RUNX3: variants seen among roughly 807,000 people sequenced by gnomAD.
RUNX3 encodes the protein RUNX family transcription factor 3, also known as runt-related transcription factor 3.
In RUNX3, 10 loss-of-function variants were observed where a neutral mutation model predicts 27.7. That is an observed-to-expected ratio of 0.36 (90% CI 0.22 to 0.61). The LOEUF is 0.61. Among genes scored for constraint, RUNX3 ranks in the 20% least tolerant of loss-of-function variants. The pLI, the probability that RUNX3 is intolerant of heterozygous loss-of-function variation, is 0.72. For missense variants in RUNX3, 469 were observed against 629.5 expected, an observed-to-expected ratio of 0.75 and a Z score of 2.73; for synonymous variants, 270 against 269.2, an observed-to-expected ratio of 1.00 and a Z score of -0.03.
At chr1:24,949,095 G>A (rs892470719) in intron 2 of RUNX3, among the ~76,000 whole-genome samples, 9 of 152,100 alleles carry the variant, frequency 5.9e-5, no homozygotes, top group Admixed American at 4.6e-4. Flanking sequence ...GGGTCTGCAG[G>A]TCTTCTTGAT....
intron 2 of RUNX3, among the ~76,000 whole-genome samples, chr1:24,939,304 A>G (rs750491452): frequency 3.3e-5 from 5 of 152,218 alleles, no homozygotes; most frequent in Non-Finnish European, 7.3e-5. Flanking sequence ...TCACACCCAC[A>G]TGGACAAGCC....
At chr1:24,961,057 G>A (rs1557865214) in intron 2 of RUNX3, among the ~76,000 whole-genome samples, 1 of 151,720 alleles carries the variant, frequency 6.6e-6, no homozygotes, top group Non-Finnish European at 1.5e-5. Context: ...TCTACTGCAG[G>A]ATGGGAACCA....
intron 2 of RUNX3, among the ~76,000 whole-genome samples, chr1:24,936,491 G>A (rs188377878): frequency 2.0e-5 from 3 of 152,242 alleles, no homozygotes; most frequent in African/African-American, 7.2e-5. Context: ...GGCAGGATTC[G>A]GAATTTTACA....
chr1:24,948,730 G>A (rs1031130212), intron 2 of RUNX3, among the ~76,000 whole-genome samples: 2 of 151,742 alleles, frequency 1.3e-5, no homozygotes, highest in African/African-American at 2.4e-5. Flanking sequence ...GGGTGCATTG[G>A]GGGTGCATGC....
Position 24,927,746 on chromosome 1 carries a change from G to GGGGGGATGCA in RUNX3, c.283-26_283-17dup, listed in dbSNP as rs1641127734. 1 of 1,612,806 alleles carries GGGGGGATGCA rather than the reference G, an allele frequency of 6.2e-7. No homozygotes were observed. Among genetic ancestry groups the GGGGGGATGCA allele is most frequent in the Non-Finnish European group, 8.5e-7 (1 of 1,179,158 alleles). On this transcript the variant is annotated splice_polypyrimidine_tract_variant and intron_variant, in intron 1 of 4. Transcript: ENST00000308873. The surrounding 1 kb of genome is among the most constrained non-coding windows in gnomAD (Gnocchi z 5.0). ...ATGCCACCACCTGAAGACACGGGGCGGGGGGATGCAGGGGGACAGCTTAGA... is the reference window on the plus strand; with the variant it reads ...ATGCCACCACCTGAAGACACGGGGCGGGGGGATGCAGGGGGATGCAGGGGGACAGCTTAGA...
chr1:24,905,402 C>T (rs558359143), intron 4 of RUNX3, among the ~76,000 whole-genome samples: 8 of 152,340 alleles, frequency 5.3e-5, no homozygotes, highest in African/African-American at 1.2e-4. Flanking sequence ...CCTGGTCATC[C>T]GAGGCCCTTT....
At chr1:24,959,337 C>T (rs115130234) in intron 2 of RUNX3, among the ~76,000 whole-genome samples, 3,154 of 152,260 alleles carry the variant, frequency 0.021, 52 homozygotes, top group Middle Eastern at 0.034. Context: ...CCTAGGAATG[C>T]TTTTCCAGCC....
chr1:24,935,814 C>G (rs1024805741), intron 2 of RUNX3, among the ~76,000 whole-genome samples: 4 of 152,220 alleles, frequency 2.6e-5, no homozygotes, highest in Non-Finnish European at 1.5e-5. Flanking sequence ...CCCTCAGGTG[C>G]CTCTGAAGGG....
chr1:24,957,431 C>T (rs1367007781), intron 2 of RUNX3, among the ~76,000 whole-genome samples: 3 of 152,198 alleles, frequency 2.0e-5, no homozygotes, highest in Non-Finnish European at 4.4e-5. Context: ...CTGAATATCA[C>T]CTGTGAGCCT....
At chr1:24,921,758 C>T (rs1450180697) in intron 2 of RUNX3, among the ~76,000 whole-genome samples, 1 of 152,088 alleles carries the variant, frequency 6.6e-6, no homozygotes, top group Non-Finnish European at 1.5e-5. Context: ...TTGGTTATGA[C>T]GGGGAGTTTA....
At chr1:24,964,740 CT>C (rs747913966) in intron 1 of RUNX3, 1 of 1,446,040 alleles carries the variant, frequency 6.9e-7, no homozygotes, top group Non-Finnish European at 9.1e-7. Context: ...TTTTTCCCCC[CT>C]GCTGCTACGA....
intron 2 of RUNX3, among the ~76,000 whole-genome samples, chr1:24,957,516 A>G (rs1454842436): frequency 6.6e-6 from 1 of 152,016 alleles, no homozygotes; most frequent in Non-Finnish European, 1.5e-5. Context: ...GAGCACCCCC[A>G]CCGCCTGGAG....
chr1:24,903,290 C>T (rs1640602783), intron 4 of RUNX3, among the ~76,000 whole-genome samples: 1 of 152,232 alleles, frequency 6.6e-6, no homozygotes, highest in Non-Finnish European at 1.5e-5. Flanking sequence ...TGCGCTCACA[C>T]CTGGGTTGTG....
At chr1:24,958,951 G>A (rs960630245) in intron 2 of RUNX3, among the ~76,000 whole-genome samples, 3 of 152,248 alleles carry the variant, frequency 2.0e-5, no homozygotes, top group African/African-American at 7.2e-5. Flanking sequence ...ATGGCAATAA[G>A]AGCTGGTGTT....
chr1:24,908,123 C>CG lies in RUNX3; in HGVS notation c.545-707_545-706insC, dbSNP rs1557837229. ...CGAACCTCTACGACACGCGGTGATC[C>CG]AAACCTCTATGACACGCGGTGATCC... is the stretch of plus-strand genomic sequence containing the variant. On this transcript the variant is annotated intron_variant, in intron 3 of 4. Transcript: ENST00000308873. Among the ~76,000 whole-genome samples, 325 of 133,180 alleles carry CG rather than the reference C, an allele frequency of 2.4e-3. 27 individuals are homozygous for CG. The highest frequency in any genetic ancestry group is 6.0e-3 in the African/African-American group (202 of 33,786). 87.4% of individuals were successfully genotyped at this position (133,180 alleles called of 152,430 possible). A position where few individuals can be genotyped will look rare whatever the true frequency, so the allele number is the denominator to read the frequency against.
chr1:24,949,845 G>T (rs1641713327), intron 2 of RUNX3, among the ~76,000 whole-genome samples: 1 of 152,260 alleles, frequency 6.6e-6, no homozygotes, highest in Non-Finnish European at 1.5e-5. Context: ...GTGGGCCTTG[G>T]CTCAGAGCAT....
At position 24,929,776 on chromosome 1, in the gene RUNX3, C is replaced by G. The variant is rs1416712712; in HGVS notation, c.93G>C (p.Glu31Asp). 6.9e-7 allele frequency: 1 copy of G among 1,443,924 alleles called. No homozygotes were observed. The highest frequency in any genetic ancestry group is 1.5e-5 in the African/African-American group (1 of 66,760). The allele number at this position is 1,443,924 out of a possible 1,614,324, so 89.4% of individuals were successfully genotyped here. Residue 31 changes from glutamate (E) to aspartate (D), a missense_variant, in exon 1 of 5, where the codon GAG becomes GAC. Physicochemically the swap from Glu to Asp is conservative, Grantham distance 45 (BLOSUM62 2). This residue lies in a region of RUNX3 where 115 missense variants were observed against 118.0 expected (regional missense o/e 0.97). Coordinates refer to ENST00000308873, the MANE Select transcript of RUNX3 (RefSeq NM_004350.3). ...PCGGGGGKMG[E>D]NSGALSAQAA... ...CCTGCGCGCTCAGCGCGCCGCTGTT[C>G]TCGCCCATCTTGCCGCCGCCGCCGC...
intron 2 of RUNX3, among the ~76,000 whole-genome samples, chr1:24,948,345 T>G (rs181569714): frequency 3.5e-4 from 54 of 152,156 alleles, no homozygotes; most frequent in Middle Eastern, 6.8e-3. Context: ...TGTATGCTTG[T>G]GTGAGGGTGG....
Position 24,943,388 on chromosome 1 carries a change from C to T in RUNX3, c.59-13536G>A, listed in dbSNP as rs1490121011. Among the ~76,000 whole-genome samples the T allele has an allele frequency of 6.6e-6, 1 of 152,174 alleles. No homozygotes were observed. The highest frequency in any genetic ancestry group is 1.5e-5 in the Non-Finnish European group (1 of 68,020). On this transcript the variant is annotated intron_variant, in intron 2 of 6. Transcript: ENST00000338888. The surrounding 1 kb of genome is among the most constrained non-coding windows in gnomAD (Gnocchi z 4.6). Reference sequence around the variant, plus strand: ...TGTTAGAATCTTCATCGCAGTAGCTCCCACTGATGGTGTGCTCACGGTGCC... The same window carrying T: ...TGTTAGAATCTTCATCGCAGTAGCTTCCACTGATGGTGTGCTCACGGTGCC...
Sources: gnomAD v4.1 joint callset for allele counts (sites outside exome capture counted in the v4.1 genomes callset) on GRCh38, gnomAD v4.1.1 for gene constraint, gnomAD v4.1.1 regional missense constraint, Gnocchi (gnomAD v3.1) non-coding constraint, MANE v1.5 for transcripts, NCBI Gene and HGNC (gene_info 2026-07-23, HGNC 2026-07-21) for gene names.